ZNF136: variants seen among roughly 807,000 people sequenced by gnomAD.
The protein encoded by ZNF136 is zinc finger protein 136.
Under a neutral mutation model 11.4 loss-of-function variants are expected in ZNF136, and 8 were observed. The ratio of observed to expected loss-of-function variants is 0.70; its 90% CI spans 0.41 to 1.27. ZNF136 has a LOEUF of 1.27. ZNF136 is among the 50% of genes most tolerant of loss of function. The pLI, the probability that ZNF136 is intolerant of heterozygous loss-of-function variation, is 0.01. For missense variants in ZNF136, 590 were observed against 656.5 expected (o/e 0.90, Z 1.11); for synonymous variants, 190 against 207.1 (o/e 0.92, Z 0.71).
At chr19:12,170,622 C>G (rs1914630080) in intron 1 of ZNF136, among the ~76,000 whole-genome samples, 1 of 151,146 alleles carries the variant, frequency 6.6e-6, no homozygotes, top group Non-Finnish European at 1.5e-5. Flanking sequence ...GGGCTCAGCA[C>G]TGGGATTATA....
chr19:12,189,632 G>A lies in ZNF136; in HGVS notation c.*1631G>A, dbSNP rs542389295. ...AGCCTCCTAAAGTCTGGGATTACAC[G>A]TGTGAGCCATCACACCTAGCCCATT... On this transcript the variant is annotated 3_prime_UTR_variant, in exon 4 of 4. Transcript: ENST00000343979. 25 of 152,218 alleles carry A rather than the reference G, an allele frequency of 1.6e-4. No homozygotes were observed. The highest frequency in any genetic ancestry group is 5.5e-4 in the African/African-American group (23 of 41,544). The allele number at this position is 152,218 out of a possible 1,614,324, so 9.4% of individuals were successfully genotyped here.
chr19:12,186,100 G>T lies in ZNF136; in HGVS notation c.131-14G>T. On this transcript the variant is annotated splice_polypyrimidine_tract_variant and intron_variant, in intron 2 of 3. Coordinates refer to ENST00000343979, the MANE Select transcript of ZNF136 (RefSeq NM_003437.5). ...TTTGCACTAATTCAGAATTTTTCTG[G>T]GTCTCTGTTTTAGGGAAAAAATGGA... 6.2e-7 allele frequency: 1 copy of T among 1,603,840 alleles called. No individual in the cohort carries two copies. The highest frequency in any genetic ancestry group is 8.5e-7 in the Non-Finnish European group (1 of 1,177,196).
At position 12,188,947 on chromosome 19, in the gene ZNF136, G is replaced by A. The variant is rs1915189507; in HGVS notation, c.*946G>A. ...AGCTATATGTATATTTTGTTAATTA[G>A]TGGCTCATATTTAAAATAGTTCTCT... On this transcript the variant is annotated 3_prime_UTR_variant, in exon 4 of 4. Coordinates refer to ENST00000343979, the MANE Select transcript of ZNF136 (RefSeq NM_003437.5). 1 of 152,184 alleles carries A rather than the reference G, an allele frequency of 6.6e-6. No homozygotes were observed. The highest frequency in any genetic ancestry group is 2.1e-4 in the South Asian group (1 of 4,826). The allele number at this position is 152,184 out of a possible 1,614,324, so 9.4% of individuals were successfully genotyped here. A position where few individuals can be genotyped will look rare whatever the true frequency, so the allele number is the denominator to read the frequency against.
At chr19:12,174,770 G>A (rs1470093922) in intron 1 of ZNF136, among the ~76,000 whole-genome samples, 8 of 151,470 alleles carry the variant, frequency 5.3e-5, no homozygotes, top group African/African-American at 1.9e-4. Context: ...CGAGTAGCTG[G>A]GACCACAGGC....
intron 1 of ZNF136, among the ~76,000 whole-genome samples, chr19:12,183,689 C>T (rs1164735825): frequency 6.6e-6 from 1 of 152,022 alleles, no homozygotes; most frequent in Non-Finnish European, 1.5e-5. Flanking sequence ...TTCTCATACT[C>T]CTGGTCTCAA....
intron 1 of ZNF136, among the ~76,000 whole-genome samples, chr19:12,181,837 A>G (rs112243967): frequency 0.014 from 2,136 of 152,170 alleles, 42 homozygotes; most frequent in African/African-American, 0.049. Flanking sequence ...GGGTTTCACC[A>G]TATTAGCCAG....
At chr19:12,172,785 A>G (rs971411631) in intron 1 of ZNF136, among the ~76,000 whole-genome samples, 2 of 152,112 alleles carry the variant, frequency 1.3e-5, no homozygotes, top group Non-Finnish European at 2.9e-5. Flanking sequence ...AGGCTGAGGC[A>G]GGCGGATCAC....
intron 1 of ZNF136, 24 bp downstream of exon 1, chr19:12,163,230 C>A: frequency 1.4e-6 from 2 of 1,379,530 alleles, no homozygotes; most frequent in Non-Finnish European, 1.9e-6. Flanking sequence ...GCCCTGCGTC[C>A]CGAGACAGGG....
intron 1 of ZNF136, chr19:12,185,470 T>C (rs898740476): frequency 2.3e-5 from 5 of 212,952 alleles, no homozygotes; most frequent in Admixed American, 5.7e-5. Flanking sequence ...CTCTTTTGCA[T>C]AGTAGGTGGT....
intron 1 of ZNF136, chr19:12,164,529 G>C (rs1295840200): frequency 1.4e-5 from 2 of 145,308 alleles, no homozygotes; most frequent in African/African-American, 5.2e-5. Context: ...TGCAACCTCT[G>C]CCTCCCGGAT....
In ZNF136 at chr19:12,180,412, C is replaced by T. The variant is rs540809131; in HGVS notation, c.4-5373C>T. On this transcript the variant is annotated intron_variant, in intron 1 of 3. Transcript: ENST00000343979. Reference sequence around the variant, plus strand: ...GGCACTGAAGGCTCTGATATGGGAACACAAAGTGAATAAATTCTTGAAATC... The same window carrying T: ...GGCACTGAAGGCTCTGATATGGGAATACAAAGTGAATAAATTCTTGAAATC... Among the ~76,000 whole-genome samples the T allele has an allele frequency of 4.6e-5, 7 of 152,212 alleles. 1 individual carries two copies. The highest frequency in any genetic ancestry group is 3.9e-4 in the Admixed American group (6 of 15,292).
At chr19:12,165,972 A>T (rs1387585329) in intron 1 of ZNF136, among the ~76,000 whole-genome samples, 1 of 152,196 alleles carries the variant, frequency 6.6e-6, no homozygotes, top group Non-Finnish European at 1.5e-5. Flanking sequence ...TCACGCCTGT[A>T]ATCCCAGCAC....
Position 12,163,170 on chromosome 19 carries a change from G to A in ZNF136, c.-34G>A, listed in dbSNP as rs758746569. ...TTTCCTGTACCTGCCTTGGGATCCG[G>A]AGGGAGGAAGCTGGGACACCCGGGA... On this transcript the variant is annotated 5_prime_UTR_variant, in exon 1 of 4. Coordinates refer to ENST00000343979, the MANE Select transcript of ZNF136 (RefSeq NM_003437.5). The A allele has an allele frequency of 4.3e-6, 6 of 1,403,794 alleles. No individual in the cohort carries two copies. The highest frequency in any genetic ancestry group is 3.7e-6 in the Non-Finnish European group (4 of 1,071,814). 87.0% of individuals were successfully genotyped at this position (1,403,794 alleles called of 1,614,324 possible). A position where few individuals can be genotyped will look rare whatever the true frequency, so the allele number is the denominator to read the frequency against.
At position 12,187,876 on chromosome 19, in the gene ZNF136, G is replaced by A. The variant is rs1480576303; in HGVS notation, c.1498G>A (p.Gly500Arg). ...SFRLHERTHT[G>R]QKPYHCKECG... ...TCGACTACATGAAAGGACTCACACT[G>A]GACAGAAACCCTATCATTGCAAGGA... is the stretch of plus-strand genomic sequence containing the variant. Residue 500 changes from glycine (G) to arginine (R), a missense_variant, in exon 4 of 4, where the codon GGA (glycine) becomes AGA (arginine). By Grantham distance (125) the Gly-to-Arg change is moderately radical. Transcript: ENST00000343979. 6.2e-7 allele frequency: 1 copy of A among 1,601,064 alleles called. No homozygotes were observed.
At position 12,186,575 on chromosome 19, in the gene ZNF136, A is replaced by G. The variant is rs767513924; in HGVS notation, c.197A>G (p.His66Arg). The G allele has an allele frequency of 8.1e-6, 13 of 1,600,302 alleles. No homozygotes were observed. The highest frequency in any genetic ancestry group is 1.1e-5 in the South Asian group (1 of 89,038). Reference sequence around the variant, plus strand: ...GTCCGTCTCATTTTTTACAGAAGTCATATGTTAGAAAGACTCTATCAAACT... The same window carrying G: ...GTCCGTCTCATTTTTTACAGAAGTCGTATGTTAGAAAGACTCTATCAAACT... Reference protein sequence around the residue: ...YKHRGRNLRSHMLERLYQTKD... With the variant: ...YKHRGRNLRSRMLERLYQTKD... The change falls in exon 4 of 4, where the codon CAT (histidine) becomes CGT (arginine). Residue 66 changes from histidine to arginine, a missense_variant. By Grantham distance (29) the His-to-Arg change is conservative (BLOSUM62 0). Transcript: ENST00000343979.
chr19:12,186,172 A>C lies in ZNF136; in HGVS notation c.189A>C (p.Leu63=). 1 of 1,608,950 alleles carries C rather than the reference A, an allele frequency of 6.2e-7. No individual in the cohort carries two copies. Among genetic ancestry groups the C allele is most frequent in the South Asian group, 1.1e-5 (1 of 89,050 alleles). Residue 63 remains leucine (L), a splice_region_variant and synonymous_variant, in exon 3 of 4, where the codon CTA becomes CTC. Coordinates refer to ENST00000343979, the MANE Select transcript of ZNF136 (RefSeq NM_003437.5). The part of the protein sequence containing the change: ...KDHYKHRGRN[L]RSHMLERLYQ... ...ACTACAAACACCGAGGGAGAAATCT[A>C]AGGTAATTTGTACTCAGAGAAAGCA...
chr19:12,187,829 C>A lies in ZNF136; in HGVS notation c.1451C>A (p.Ala484Asp). The A allele has an allele frequency of 6.2e-7, 1 of 1,604,550 alleles. No homozygotes were observed. The highest frequency in any genetic ancestry group is 1.1e-5 in the South Asian group (1 of 89,378). Residue 484 changes from alanine to aspartate, a missense_variant, in exon 4 of 4, where the codon GCC becomes GAC. By Grantham distance (126) the Ala-to-Asp change is moderately radical (BLOSUM62 -2). Transcript: ENST00000343979. ...KPFECKRCGKAFRSSSSFRLH... is the reference protein window; with the variant it reads ...KPFECKRCGKDFRSSSSFRLH... Reference sequence around the variant, plus strand: ...TTTGAATGTAAGCGATGTGGTAAAGCCTTTAGATCTTCTAGTTCCTTTCGA... The same window carrying A: ...TTTGAATGTAAGCGATGTGGTAAAGACTTTAGATCTTCTAGTTCCTTTCGA...
At chr19:12,176,219 G>A (rs1354370479) in intron 1 of ZNF136, among the ~76,000 whole-genome samples, 1 of 152,170 alleles carries the variant, frequency 6.6e-6, no homozygotes, top group Non-Finnish European at 1.5e-5. Context: ...ACACCCCTGT[G>A]CCACATGGGA....
rs548234241 is a variant in ZNF136 at position 12,179,900 on chromosome 19, C to T, written c.4-5885C>T. 3.3e-5 allele frequency among the ~76,000 whole-genome samples: 5 copies of T among 151,928 alleles called. No individual in the cohort carries two copies. In the East Asian group the frequency reaches 9.7e-4, roughly 29 times the overall value. ...TTTTTTTTTGAGACAGAGTCTGGCT[C>T]TGTTGCCCGGGCTGGAGTGCAGTGG... On this transcript the variant is annotated intron_variant, in intron 1 of 3. Transcript: ENST00000343979.
Sources: gnomAD v4.1 joint callset for allele counts (sites outside exome capture counted in the v4.1 genomes callset) on GRCh38, gnomAD v4.1.1 for gene constraint, MANE v1.5 for transcripts, NCBI Gene and HGNC (gene_info 2026-07-23, HGNC 2026-07-21) for gene names.